Variants in PPHLN1 observed in about 807,000 individuals in gnomAD.
The protein encoded by PPHLN1 is periphilin-1.
A neutral mutation model predicts 51.3 loss-of-function variants in PPHLN1; 29 were observed. That is an observed-to-expected ratio of 0.57 (90% CI 0.42 to 0.77). PPHLN1 has a LOEUF of 0.77. PPHLN1 is among the 30% of genes least tolerant of loss of function. The pLI, the probability that PPHLN1 is intolerant of heterozygous loss-of-function variation, is 0.00. For synonymous variants in PPHLN1, 147 were observed against 147.8 expected, an observed-to-expected ratio of 0.99 and a Z score of 0.04; for missense variants, 436 against 438.4, an observed-to-expected ratio of 0.99 and a Z score of 0.05.
At chr12:42,357,676 C>A (rs2074197291) in intron 4 of PPHLN1, among the ~76,000 whole-genome samples, 1 of 152,118 alleles carries the variant, frequency 6.6e-6, no homozygotes, top group South Asian at 2.1e-4. Flanking sequence ...TCTTTCTCCT[C>A]CAAAGAAATA....
chr12:42,370,262 A>G (rs918660932), intron 4 of PPHLN1, among the ~76,000 whole-genome samples: 5 of 152,320 alleles, frequency 3.3e-5, no homozygotes, highest in South Asian at 4.1e-4. Context: ...TTGCATTTCT[A>G]TCACCTTTCC....
rs146086328 is a variant in PPHLN1 at position 42,441,885 on chromosome 12, T to G, written c.*376T>G. The G allele has an allele frequency of 3.0e-6, 3 of 997,470 alleles. No homozygotes were observed. Among genetic ancestry groups the G allele is most frequent in the East Asian group, 1.0e-4 (1 of 9,548 alleles). 61.8% of individuals were successfully genotyped at this position (997,470 alleles called of 1,614,324 possible). On this transcript the variant is annotated 3_prime_UTR_variant, in exon 10 of 10. Coordinates refer to ENST00000358314, the MANE Select transcript of PPHLN1 (RefSeq NM_201439.2). Reference sequence around the variant, plus strand: ...TGATTTTATTGACTTGTTGCTTGCTTTTTCTTAGGCTTTGTAACTTGTAAT... The same window carrying G: ...TGATTTTATTGACTTGTTGCTTGCTGTTTCTTAGGCTTTGTAACTTGTAAT...
At chr12:42,359,851 T>G (rs575951604) in intron 4 of PPHLN1, among the ~76,000 whole-genome samples, 1 of 152,200 alleles carries the variant, frequency 6.6e-6, no homozygotes, top group South Asian at 2.1e-4. Flanking sequence ...CTCACGCCTG[T>G]AATCCCAACA....
chr12:42,406,666 G>C (rs986949599), intron 9 of PPHLN1, among the ~76,000 whole-genome samples: 2 of 151,874 alleles, frequency 1.3e-5, no homozygotes, highest in African/African-American at 4.8e-5. Context: ...TATATATTCT[G>C]AATACAAGGT....
intron 1 of PPHLN1, among the ~76,000 whole-genome samples, chr12:42,330,989 G>A (rs1256272048): frequency 3.3e-5 from 5 of 152,206 alleles, no homozygotes; most frequent in African/African-American, 4.8e-5. Flanking sequence ...GATTACAGGC[G>A]TGAGCCACCG....
chr12:42,379,430 A>G (rs1264170581), intron 5 of PPHLN1, among the ~76,000 whole-genome samples: 2 of 151,810 alleles, frequency 1.3e-5, no homozygotes, highest in Non-Finnish European at 1.5e-5. Flanking sequence ...TTGGAGGAGT[A>G]CTATCATATT....
chr12:42,426,149 A>T (rs1172142787), intron 9 of PPHLN1, among the ~76,000 whole-genome samples: 1 of 149,456 alleles, frequency 6.7e-6, no homozygotes, highest in East Asian at 2.0e-4. Flanking sequence ...TGAATAACTT[A>T]AAGTACAGTA....
chr12:42,441,804 G>A lies in PPHLN1; in HGVS notation c.*295G>A. The A allele has an allele frequency of 1.8e-6, 2 of 1,105,570 alleles. No homozygotes were observed. Among genetic ancestry groups the A allele is most frequent in the Non-Finnish European group, 2.2e-6 (2 of 908,222 alleles). The allele number at this position is 1,105,570 out of a possible 1,614,324, so 68.5% of individuals were successfully genotyped here. On this transcript the variant is annotated 3_prime_UTR_variant, in exon 10 of 10. Coordinates refer to ENST00000358314, the MANE Select transcript of PPHLN1 (RefSeq NM_201439.2). ...CAAAGTGTTGAGATTACAGGCGTGAGCCACCGCTCCCTGCCCAACACATAT... is the reference window on the plus strand; with the variant it reads ...CAAAGTGTTGAGATTACAGGCGTGAACCACCGCTCCCTGCCCAACACATAT...
intron 5 of PPHLN1, among the ~76,000 whole-genome samples, chr12:42,379,327 ATCT>A (rs1318572218): frequency 3.9e-5 from 6 of 152,140 alleles, no homozygotes; most frequent in African/African-American, 7.2e-5. Context: ...AAGAATTAAA[ATCT>A]TCTTCAGTAA....
intron 1 of PPHLN1, among the ~76,000 whole-genome samples, chr12:42,330,913 G>A (rs2069628850): frequency 6.6e-6 from 1 of 152,202 alleles, no homozygotes; most frequent in Non-Finnish European, 1.5e-5. Context: ...GTTTCACCAT[G>A]TCAGCCAGGA....
At chr12:42,366,245 T>TG (rs71084643) in intron 4 of PPHLN1, among the ~76,000 whole-genome samples, 1 of 139,238 alleles carries the variant, frequency 7.2e-6, no homozygotes, top group Non-Finnish European at 1.6e-5. Context: ...TTTTTTTTTT[T>TG]GAGACAGAGT....
chr12:42,399,083 T>A, intron 9 of PPHLN1, 89 bp downstream of exon 9: 1 of 1,509,714 alleles, frequency 6.6e-7, no homozygotes, highest in Non-Finnish European at 8.9e-7. Context: ...GCTTCATTTC[T>A]TTTTCCACCT....
intron 9 of PPHLN1, chr12:42,432,087 C>T: frequency 6.5e-7 from 1 of 1,548,074 alleles, no homozygotes; most frequent in Admixed American, 1.7e-5. Context: ...ACCTCGACCC[C>T]CTGAAACACT....
rs60131845 is a variant in PPHLN1 at position 42,396,615 on chromosome 12, C to CAAAAAAAA, written c.769-2213_769-2206dup. ...GCAATGTAGTAAGGTCTTGTCACTACAAAAAAAAAAAAAAAAAAAAAAAAA... is the reference window on the plus strand; with the variant it reads ...GCAATGTAGTAAGGTCTTGTCACTACAAAAAAAAAAAAAAAAAAAAAAAAAAAAAAAAA... On this transcript the variant is annotated intron_variant, in intron 8 of 9. Transcript: ENST00000358314. Among the ~76,000 whole-genome samples, 364 of 85,410 alleles carry CAAAAAAAA rather than the reference C, an allele frequency of 4.3e-3. 38 individuals carry two copies. Among genetic ancestry groups the CAAAAAAAA allele is most frequent in the South Asian group, 0.011 (21 of 1,920 alleles). The allele number at this position is 85,410 out of a possible 152,430, so 56.0% of individuals were successfully genotyped here. A position where few individuals can be genotyped will look rare whatever the true frequency, so the allele number is the denominator to read the frequency against.
At chr12:42,332,740 TG>T (rs756310816) in intron 1 of PPHLN1, 70 of 1,265,286 alleles carry the variant, frequency 5.5e-5, no homozygotes, top group Non-Finnish European at 7.3e-5. Context: ...TAGTAGTTAT[TG>T]TTACATTTTT....
chr12:42,432,201 C>A, intron 9 of PPHLN1: 2 of 816,766 alleles, frequency 2.4e-6, no homozygotes, highest in South Asian at 2.7e-5. Context: ...CCCTCAGATT[C>A]TATTTCAGAG....
rs2081727928 is a variant in PPHLN1 at position 42,428,642 on chromosome 12, T to TA, written c.910-12667dup. Among the ~76,000 whole-genome samples the TA allele has an allele frequency of 2.0e-5, 3 of 151,960 alleles. No homozygotes were observed. The South Asian group carries it at 6.2e-4, about 32-fold the overall frequency. ...AAAAGAGTGGGAGGGGGGTGAGGGA[T>TA]AAAAAAGACCACATATTGGGTGCAG... On this transcript the variant is annotated intron_variant, in intron 9 of 9. Transcript: ENST00000358314.
At chr12:42,366,263 T>C (rs1332025926) in intron 4 of PPHLN1, among the ~76,000 whole-genome samples, 1 of 139,902 alleles carries the variant, frequency 7.1e-6, no homozygotes, top group Admixed American at 7.6e-5. Context: ...AGTCTCACTC[T>C]GTCGCCCAGG....
chr12:42,411,785 G>A (rs1468285339), intron 9 of PPHLN1, among the ~76,000 whole-genome samples: 1 of 150,090 alleles, frequency 6.7e-6, no homozygotes, highest in Non-Finnish European at 1.5e-5. Flanking sequence ...CATGCCTGTA[G>A]TCTCAGCCAC....
Sources: allele counts gnomAD v4.1 joint callset (sites outside exome capture counted in the v4.1 genomes callset), GRCh38; gene constraint gnomAD v4.1.1; transcripts MANE v1.5; gene names NCBI Gene and HGNC (gene_info 2026-07-23, HGNC 2026-07-21).